The following PPP4R3B variants were observed in gnomAD, a reference collection of about 807,000 sequenced individuals.
PPP4R3B encodes the protein serine/threonine-protein phosphatase 4 regulatory subunit 3B.
Under a neutral mutation model 95.4 loss-of-function variants are expected in PPP4R3B, and 52 were observed. The ratio of observed to expected loss-of-function variants is 0.54; its 90% CI spans 0.44 to 0.69. The LOEUF is 0.69. Among genes scored for constraint, PPP4R3B ranks in the 30% least tolerant of loss-of-function variants. The pLI, the probability that PPP4R3B is intolerant of heterozygous loss-of-function variation, is 0.00. For synonymous variants in PPP4R3B, 407 were observed against 343.9 expected (o/e 1.18, Z -2.03); for missense variants, 1,003 against 1,005.9 (o/e 1.00, Z 0.04).
chr2:55,564,695 A>C (rs548521994), intron 14 of PPP4R3B, among the ~76,000 whole-genome samples, 198 bp from the exon 15 acceptor site: 1 of 152,328 alleles, frequency 6.6e-6, no homozygotes, highest in South Asian at 2.1e-4. Context: ...AAATTAAACT[A>C]AATATTCTTC....
chr2:55,558,806 G>A lies in PPP4R3B; in HGVS notation c.2423C>T (p.Thr808Ile). The A allele has an allele frequency of 6.2e-7, 1 of 1,612,276 alleles. No homozygotes were observed. Among genetic ancestry groups the A allele is most frequent in the Non-Finnish European group, 8.5e-7 (1 of 1,178,932 alleles). Residue 808 changes from threonine (T) to isoleucine (I), a missense_variant, in exon 16 of 17, where the codon ACA (threonine) becomes ATA (isoleucine). Transcript: ENST00000616407. The part of the protein sequence containing the change: ...ATSNGSSSKT[T>I]NLPTSVTATK... The stretch of plus-strand genomic sequence containing the variant: ...GGCTGTTACTGACGTAGGCAAGTTT[G>A]TGGTTTTGGAAGAGGATCCATTAGA...
At chr2:55,609,118 T>TTATAGCTA (rs1217743549) in intron 2 of PPP4R3B, among the ~76,000 whole-genome samples, 1 of 152,202 alleles carries the variant, frequency 6.6e-6, no homozygotes, top group African/African-American at 2.4e-5. Flanking sequence ...TTTTCTCAAT[T>TTATAGCTA]TATAGCTATT....
In PPP4R3B at chr2:55,572,955, T is replaced by C. The variant is rs141253722; in HGVS notation, c.1765+664A>G. 1.5e-4 allele frequency among the ~76,000 whole-genome samples: 23 copies of C among 152,284 alleles called. No individual in the cohort carries two copies. In the East Asian group the frequency reaches 4.0e-3, roughly 27 times the overall value. On this transcript the variant is annotated intron_variant, in intron 12 of 16. Coordinates refer to ENST00000616407, the MANE Select transcript of PPP4R3B (RefSeq NM_001122964.3). The stretch of plus-strand genomic sequence containing the variant: ...TGGGCTGAGAAATGTGTTGGTATGA[T>C]ACTGTTTTGTAAATATAAAAAACAC...
chr2:55,613,064 T>C (rs533202144), intron 2 of PPP4R3B, among the ~76,000 whole-genome samples: 186 of 152,118 alleles, frequency 1.2e-3, no homozygotes, highest in Non-Finnish European at 2.1e-3. Context: ...TGAGCTGTGA[T>C]CAAACCACTG....
intron 4 of PPP4R3B, among the ~76,000 whole-genome samples, chr2:55,593,771 A>G (rs1241731593): frequency 6.6e-6 from 1 of 152,186 alleles, no homozygotes; most frequent in East Asian, 1.9e-4. Context: ...CACTGGCCAC[A>G]ATCTTATTTC....
intron 9 of PPP4R3B, 145 bp downstream of exon 9, chr2:55,579,534 A>T: frequency 2.2e-6 from 1 of 455,606 alleles, no homozygotes; most frequent in East Asian, 3.5e-5. Flanking sequence ...GAAACAAGAA[A>T]ATCATAATTT....
In PPP4R3B at chr2:55,581,126, G is replaced by A. The variant is rs187220129; in HGVS notation, c.1365+441C>T. ...AAATTAGCCAGGTGTGGTGGTGTGC[G>A]TCTGTAGTCCCAGCTACTTGGGAGG... On this transcript the variant is annotated intron_variant, in intron 8 of 16. Coordinates refer to ENST00000616407, the MANE Select transcript of PPP4R3B (RefSeq NM_001122964.3). 1.2e-3 allele frequency among the ~76,000 whole-genome samples: 181 copies of A among 152,104 alleles called. 1 individual carries two copies. Among genetic ancestry groups the A allele is most frequent in the Admixed American group, 3.0e-3 (46 of 15,260 alleles).
chr2:55,574,401 T>A (rs1479106834), intron 11 of PPP4R3B, among the ~76,000 whole-genome samples: 1 of 151,932 alleles, frequency 6.6e-6, no homozygotes, highest in Non-Finnish European at 1.5e-5. Flanking sequence ...TGGTAATGTT[T>A]CTGTAATAAA....
intron 15 of PPP4R3B, among the ~76,000 whole-genome samples, chr2:55,563,193 G>C (rs371121068): frequency 6.6e-6 from 1 of 152,092 alleles, no homozygotes; most frequent in Non-Finnish European, 1.5e-5. Flanking sequence ...TTTTTGCTCC[G>C]CCACGCTGAG....
chr2:55,613,614 T>G (rs144210669), intron 2 of PPP4R3B, among the ~76,000 whole-genome samples: 50 of 152,242 alleles, frequency 3.3e-4, no homozygotes, highest in African/African-American at 1.2e-3. Flanking sequence ...TTTTAACTTA[T>G]GTTGGGTGAC....
chr2:55,610,000 T>A (rs1693953125), intron 2 of PPP4R3B, among the ~76,000 whole-genome samples: 2 of 152,212 alleles, frequency 1.3e-5, no homozygotes, highest in Non-Finnish European at 1.5e-5. Flanking sequence ...AAAAAAAATT[T>A]TTTTTAATAA....
At chr2:55,563,692 A>T (rs769612461) in intron 15 of PPP4R3B, among the ~76,000 whole-genome samples, 8 of 152,154 alleles carry the variant, frequency 5.3e-5, no homozygotes, top group Non-Finnish European at 8.8e-5. Flanking sequence ...ATTTTAATTA[A>T]ATATTTAAAT....
At position 55,617,318 on chromosome 2, in the gene PPP4R3B, C is replaced by A. The variant is rs763126705; in HGVS notation, c.-33G>T. The stretch of plus-strand genomic sequence containing the variant: ...GCTGTCTCCACCGCTCTAGCCGCCG[C>A]CTCCTCGCTTACCTCGTCCGCGCTC... On this transcript the variant is annotated 5_prime_UTR_variant, in exon 1 of 17. Transcript: ENST00000616407. The A allele has an allele frequency of 4.5e-6, 7 of 1,551,504 alleles. No homozygotes were observed. In the Admixed American group the frequency reaches 1.1e-4, roughly 25 times the overall value.
At chr2:55,561,967 G>T (rs1478963427) in intron 15 of PPP4R3B, among the ~76,000 whole-genome samples, 3 of 152,178 alleles carry the variant, frequency 2.0e-5, no homozygotes, top group Non-Finnish European at 2.9e-5. Flanking sequence ...ATTAGGGAGG[G>T]ACCGGGGTGG....
intron 13 of PPP4R3B, among the ~76,000 whole-genome samples, chr2:55,565,472 G>A (rs2103949813): frequency 6.6e-6 from 1 of 152,108 alleles, no homozygotes; most frequent in South Asian, 2.1e-4. Context: ...TTGATCCAGA[G>A]CACACGGCTG....
intron 11 of PPP4R3B, among the ~76,000 whole-genome samples, chr2:55,577,086 A>G (rs1277765046): frequency 6.6e-6 from 1 of 152,248 alleles, no homozygotes; most frequent in Non-Finnish European, 1.5e-5. Context: ...ATGCCTTCTC[A>G]TAACAACATC....
intron 3 of PPP4R3B, among the ~76,000 whole-genome samples, chr2:55,602,965 T>G (rs549833674): frequency 4.0e-4 from 61 of 152,226 alleles, no homozygotes; most frequent in African/African-American, 1.4e-3. Context: ...ATACTCTTTT[T>G]TTTTTTTTTG....
chr2:55,596,249 C>A (rs1691762169), intron 4 of PPP4R3B, among the ~76,000 whole-genome samples: 1 of 152,086 alleles, frequency 6.6e-6, no homozygotes, highest in South Asian at 2.1e-4. Context: ...GCAAATCTGA[C>A]TTTCAAGGTG....
chr2:55,603,760 C>T (rs1692992460), intron 3 of PPP4R3B, among the ~76,000 whole-genome samples: 1 of 152,106 alleles, frequency 6.6e-6, no homozygotes, highest in South Asian at 2.1e-4. Flanking sequence ...CATATGCTAT[C>T]AAAATCTAAA....
Sources: gnomAD v4.1 joint callset for allele counts (sites outside exome capture counted in the v4.1 genomes callset) on GRCh38, gnomAD v4.1.1 for gene constraint, MANE v1.5 for transcripts, NCBI Gene and HGNC (gene_info 2026-07-23, HGNC 2026-07-21) for gene names.